RNF175: variants seen among roughly 807,000 people sequenced by gnomAD.
The protein encoded by RNF175 is ring finger protein 175.
RNF175 carries 38 observed loss-of-function variants against 50.0 expected under a neutral mutation model. That is an observed-to-expected ratio of 0.76 (90% CI 0.59 to 1.00). The LOEUF is 1.00. RNF175 is among the 50% of genes least tolerant of loss of function. The probability of loss-of-function intolerance (pLI) is 0.00; values close to 1 mark genes in which losing one functional copy is unlikely to be tolerated. For missense variants in RNF175, 388 were observed against 409.6 expected, an observed-to-expected ratio of 0.95 and a Z score of 0.46; for synonymous variants, 155 against 146.1, an observed-to-expected ratio of 1.06 and a Z score of -0.44.
intron 1 of RNF175, among the ~76,000 whole-genome samples, chr4:153,757,189 G>A (rs969347470): frequency 2.6e-5 from 4 of 152,128 alleles, no homozygotes; most frequent in Non-Finnish European, 1.5e-5. Context: ...ACACCCTTTC[G>A]GTGAGGCCCC....
At chr4:153,758,909 G>C (rs1430306443) in intron 1 of RNF175, among the ~76,000 whole-genome samples, 1 of 152,196 alleles carries the variant, frequency 6.6e-6, no homozygotes, top group South Asian at 2.1e-4. Context: ...GGAGGAGAAG[G>C]GGGTTAGTCA....
chr4:153,732,909 C>A (rs1205812404), intron 3 of RNF175, among the ~76,000 whole-genome samples: 1 of 152,150 alleles, frequency 6.6e-6, no homozygotes, highest in Non-Finnish European at 1.5e-5. Flanking sequence ...GCTAAAAATG[C>A]GACTACTTGA....
chr4:153,732,698 A>G (rs1376293257), intron 3 of RNF175, among the ~76,000 whole-genome samples: 1 of 152,230 alleles, frequency 6.6e-6, no homozygotes, highest in East Asian at 1.9e-4. Flanking sequence ...TCTTCTGTCT[A>G]CTTGCTGCAG....
intron 3 of RNF175, among the ~76,000 whole-genome samples, chr4:153,747,612 C>T (rs1466349995): frequency 2.0e-5 from 3 of 152,198 alleles, no homozygotes; most frequent in Non-Finnish European, 2.9e-5. Flanking sequence ...CTTAAGTGAT[C>T]GCTAAAAAGT....
At chr4:153,757,051 A>T (rs114876166) in intron 1 of RNF175, among the ~76,000 whole-genome samples, 1 of 151,888 alleles carries the variant, frequency 6.6e-6, no homozygotes, top group East Asian at 1.9e-4. Flanking sequence ...CCCTCTCTCC[A>T]CTGCCCCTGC....
intron 4 of RNF175, among the ~76,000 whole-genome samples, chr4:153,725,880 TC>T (rs1484160084): frequency 2.6e-5 from 4 of 152,234 alleles, no homozygotes; most frequent in African/African-American, 9.6e-5. Flanking sequence ...CCTGCCATTT[TC>T]CTGCTTATTG....
At chr4:153,726,925 C>CGGACATA (rs1738732698) in intron 4 of RNF175, among the ~76,000 whole-genome samples, 1 of 152,126 alleles carries the variant, frequency 6.6e-6, no homozygotes, top group South Asian at 2.1e-4. Flanking sequence ...GGAAAGAGAG[C>CGGACATA]GGACATATGC....
At chr4:153,712,697 C>CT (rs1211578698) in intron 7 of RNF175, 121 bp from the exon 8 acceptor site, 9 of 688,032 alleles carry the variant, frequency 1.3e-5, no homozygotes. Flanking sequence ...AGGCACATCG[C>CT]TTTTTTCGGG....
At chr4:153,724,084 C>A (rs1344421411) in intron 4 of RNF175, among the ~76,000 whole-genome samples, 1 of 152,164 alleles carries the variant, frequency 6.6e-6, no homozygotes, top group Non-Finnish European at 1.5e-5. Flanking sequence ...TACCCCAGCA[C>A]CCTCTGTGAC....
At chr4:153,727,064 A>T (rs763574967) in intron 4 of RNF175, among the ~76,000 whole-genome samples, 3 of 152,258 alleles carry the variant, frequency 2.0e-5, no homozygotes, top group Non-Finnish European at 4.4e-5. Flanking sequence ...GGATAGGCGA[A>T]CCATTCTCAT....
intron 3 of RNF175, chr4:153,729,886 G>T (rs1410190261): frequency 1.6e-6 from 1 of 622,236 alleles, no homozygotes; most frequent in Non-Finnish European, 1.8e-6. Context: ...ATACTTTCAG[G>T]GAAAAAAATC....
chr4:153,747,890 A>T (rs1740062248), intron 3 of RNF175, among the ~76,000 whole-genome samples: 1 of 152,232 alleles, frequency 6.6e-6, no homozygotes, highest in African/African-American at 2.4e-5. Flanking sequence ...ATAAACAGCA[A>T]TGTATTGCCT....
At chr4:153,745,371 A>G (rs910149424) in intron 3 of RNF175, among the ~76,000 whole-genome samples, 2 of 152,104 alleles carry the variant, frequency 1.3e-5, no homozygotes, top group African/African-American at 4.8e-5. Context: ...GAGAAATACT[A>G]CTCTAAACAT....
intron 3 of RNF175, among the ~76,000 whole-genome samples, chr4:153,735,323 G>A (rs567254927): frequency 6.6e-6 from 1 of 151,274 alleles, no homozygotes; most frequent in Admixed American, 6.6e-5. Flanking sequence ...CCTTTGTCAT[G>A]GATCAGTGAC....
chr4:153,735,785 T>C (rs1477865644), intron 3 of RNF175, among the ~76,000 whole-genome samples: 3 of 152,230 alleles, frequency 2.0e-5, no homozygotes, highest in Non-Finnish European at 4.4e-5. Flanking sequence ...TGTGTTTTAA[T>C]TTCAAATTCT....
At chr4:153,725,852 A>G (rs1252801591) in intron 4 of RNF175, among the ~76,000 whole-genome samples, 2 of 152,184 alleles carry the variant, frequency 1.3e-5, no homozygotes, top group East Asian at 3.8e-4. Flanking sequence ...AGTTTTCCAA[A>G]TCTCAAGCCC....
rs937485367 is a variant in RNF175 at position 153,759,942 on chromosome 4, G to A, written c.-80C>T. 5.8e-6 allele frequency: 5 copies of A among 858,290 alleles called. No individual in the cohort carries two copies. In the African/African-American group the frequency reaches 7.1e-5, roughly 12 times the overall value. 53.2% of individuals were successfully genotyped at this position (858,290 alleles called of 1,614,324 possible). On this transcript the variant is annotated 5_prime_UTR_variant, in exon 1 of 9. Transcript: ENST00000347063. ...AGAGTCCGCAGAAGGAGGCGCCGCG[G>A]GGCCTCGGGAGCCGAGGGTGAGAGC...
At chr4:153,745,506 C>T (rs1356935982) in intron 3 of RNF175, among the ~76,000 whole-genome samples, 1 of 152,204 alleles carries the variant, frequency 6.6e-6, no homozygotes, top group African/African-American at 2.4e-5. Flanking sequence ...GAAGTCAGTG[C>T]AGTGTGTGCA....
At chr4:153,739,855 T>TAGAG (rs1214305890) in intron 3 of RNF175, among the ~76,000 whole-genome samples, 2 of 152,186 alleles carry the variant, frequency 1.3e-5, no homozygotes, top group African/African-American at 4.8e-5. Flanking sequence ...TGGTGTTCTC[T>TAGAG]GAGTTTCTTG....
Sources: allele counts gnomAD v4.1 joint callset (sites outside exome capture counted in the v4.1 genomes callset), GRCh38; gene constraint gnomAD v4.1.1; transcripts MANE v1.5; gene names NCBI Gene and HGNC (gene_info 2026-07-23, HGNC 2026-07-21).